The following PDE11A variants were observed in gnomAD, a reference collection of about 807,000 sequenced individuals.
The protein encoded by PDE11A is phosphodiesterase 11A.
In PDE11A, 100 loss-of-function variants were observed where a neutral mutation model predicts 100.5. The observed-to-expected ratio is 1.00, with a 90% confidence interval of 0.85 to 1.18. PDE11A has a LOEUF of 1.18. PDE11A is among the 50% of genes most tolerant of loss of function. PDE11A has a pLI of 0.00. For missense variants in PDE11A, 1,141 were observed against 1,152.6 expected, an observed-to-expected ratio of 0.99 and a Z score of 0.15; for synonymous variants, 381 against 420.8, an observed-to-expected ratio of 0.91 and a Z score of 1.16.
intron 10 of PDE11A, among the ~76,000 whole-genome samples, chr2:177,755,522 C>T (rs142931850): frequency 6.6e-6 from 1 of 152,130 alleles, no homozygotes; most frequent in Non-Finnish European, 1.5e-5. Context: ...CCACCAGGTA[C>T]CTCTTTCCTT....
chr2:178,079,087 C>A (rs1232545965), intron 2 of PDE11A, among the ~76,000 whole-genome samples: 2 of 152,124 alleles, frequency 1.3e-5, no homozygotes, highest in Non-Finnish European at 2.9e-5. Flanking sequence ...GAGTATAGAC[C>A]TACTAACAAT....
chr2:178,063,349 C>T (rs568157147), intron 1 of PDE11A, among the ~76,000 whole-genome samples: 17 of 152,080 alleles, frequency 1.1e-4, no homozygotes, highest in African/African-American at 3.6e-4. Context: ...TTAAACAGTA[C>T]CTAGGATTTG....
At chr2:177,824,839 A>AT (rs1199232675) in intron 6 of PDE11A, among the ~76,000 whole-genome samples, 1 of 152,226 alleles carries the variant, frequency 6.6e-6, no homozygotes, top group Non-Finnish European at 1.5e-5. Context: ...ATATTAAATG[A>AT]TAATAGTGTA....
chr2:177,793,327 T>G (rs2105539523), intron 9 of PDE11A, among the ~76,000 whole-genome samples: 1 of 152,224 alleles, frequency 6.6e-6, no homozygotes, highest in South Asian at 2.1e-4. Context: ...CCACTCTGAC[T>G]TTTGTGGCAT....
At chr2:178,043,857 GCTAA>G (rs1347782152) in intron 1 of PDE11A, among the ~76,000 whole-genome samples, 1 of 152,294 alleles carries the variant, frequency 6.6e-6, no homozygotes, top group South Asian at 2.1e-4. Context: ...GAGCCAGGAT[GCTAA>G]CTAAGAGATG....
chr2:178,072,788 A>G (rs1176269483), upstream of PDE11A: 53 of 1,236,168 alleles, frequency 4.3e-5, no homozygotes, highest in Middle Eastern at 3.4e-4. Context: ...GGATGAGTGG[A>G]CCGCTGTGAC....
chr2:178,066,174 C>A (rs1415946598), intron 1 of PDE11A, among the ~76,000 whole-genome samples: 2 of 152,104 alleles, frequency 1.3e-5, no homozygotes, highest in East Asian at 3.9e-4. Flanking sequence ...AATAGAAAAG[C>A]ACTATCTGGG....
chr2:177,981,152 T>C (rs1387926551), intron 2 of PDE11A, among the ~76,000 whole-genome samples: 1 of 150,666 alleles, frequency 6.6e-6, no homozygotes, highest in East Asian at 1.9e-4. Flanking sequence ...GGGAAGATAA[T>C]AATAGCCTTC....
At chr2:177,833,278 TTA>T (rs2083340018) in intron 6 of PDE11A, among the ~76,000 whole-genome samples, 1 of 152,194 alleles carries the variant, frequency 6.6e-6, no homozygotes, top group Non-Finnish European at 1.5e-5. Flanking sequence ...TCTGCACAGT[TTA>T]TAAGATATTT....
intron 2 of PDE11A, among the ~76,000 whole-genome samples, chr2:177,927,759 T>A (rs2085149975): frequency 6.6e-6 from 1 of 152,218 alleles, no homozygotes; most frequent in Non-Finnish European, 1.5e-5. Context: ...CTCTGACTTA[T>A]TATTTAAAAT....
rs550245678 is a variant in PDE11A, at chr2:177,627,858, C to T, written c.*1549G>A. The T allele has an allele frequency of 1.3e-5, 2 of 152,302 alleles. No individual in the cohort carries two copies. Among genetic ancestry groups the T allele is most frequent in the African/African-American group, 4.8e-5 (2 of 41,556 alleles). The allele number at this position is 152,302 out of a possible 1,614,324, so 9.4% of individuals were successfully genotyped here. ...TGAAAACTCAGTCTCAAAAAACAAA[C>T]AAACAAAGAAACAAAAACAATAACA... On this transcript the variant is annotated 3_prime_UTR_variant, in exon 20 of 20. Transcript: ENST00000286063.
chr2:177,869,986 T>C (rs2084099815), intron 5 of PDE11A, among the ~76,000 whole-genome samples: 1 of 152,236 alleles, frequency 6.6e-6, no homozygotes, highest in South Asian at 2.1e-4. Context: ...CAAATTGATG[T>C]TCCACACCTT....
intron 10 of PDE11A, among the ~76,000 whole-genome samples, chr2:177,744,000 G>A (rs1210565066): frequency 6.6e-6 from 1 of 152,166 alleles, no homozygotes; most frequent in African/African-American, 2.4e-5. Context: ...TCCACCTGGG[G>A]GCTTTCCTCC....
rs1283898929 is a variant in PDE11A at position 177,635,926 on chromosome 2, G to A, written c.2647-6364C>T. Among the ~76,000 whole-genome samples, 4 of 151,194 alleles carry A rather than the reference G, an allele frequency of 2.6e-5. No homozygotes were observed. The East Asian group carries it at 7.7e-4, about 29-fold the overall frequency. ...TTTGTTTAACCAGTTCCTTTTTGAT[G>A]GAACCCAAACATTGTTTATATTTGG... On this transcript the variant is annotated intron_variant, in intron 19 of 19. Transcript: ENST00000286063.
chr2:177,902,795 A>G (rs961957888), intron 3 of PDE11A, among the ~76,000 whole-genome samples: 3 of 152,084 alleles, frequency 2.0e-5, no homozygotes, highest in Non-Finnish European at 4.4e-5. Context: ...TTCCCATATC[A>G]GCAAGCCCCC....
intron 2 of PDE11A, among the ~76,000 whole-genome samples, chr2:178,099,441 C>G (rs1477825826): frequency 1.3e-5 from 1 of 78,634 alleles, no homozygotes; most frequent in Non-Finnish European, 2.3e-5. Flanking sequence ...GACTCCATCT[C>G]AAGAGAAAAA....
At chr2:178,014,557 G>A in intron 1 of PDE11A, 97 bp from the exon 2 acceptor site, 1 of 892,158 alleles carries the variant, frequency 1.1e-6, no homozygotes, top group South Asian at 1.4e-5. Flanking sequence ...TTATCACTGG[G>A]AACTAGCCCC....
chr2:177,634,492 G>A (rs934806548), intron 19 of PDE11A, among the ~76,000 whole-genome samples: 8 of 151,164 alleles, frequency 5.3e-5, no homozygotes, highest in Admixed American at 1.3e-4. Context: ...TGGTTCAAGC[G>A]ATTCTCTTGC....
intron 2 of PDE11A, among the ~76,000 whole-genome samples, chr2:177,905,833 G>A (rs1245324140): frequency 2.0e-5 from 3 of 152,184 alleles, no homozygotes; most frequent in Non-Finnish European, 4.4e-5. Flanking sequence ...TGCTTCTGCA[G>A]AAGCCTGATG....
Sources: allele counts gnomAD v4.1 joint callset (sites outside exome capture counted in the v4.1 genomes callset), GRCh38; gene constraint gnomAD v4.1.1; transcripts MANE v1.5; gene names NCBI Gene and HGNC (gene_info 2026-07-23, HGNC 2026-07-21).